Variants in RBFOX1 observed in about 807,000 individuals in gnomAD.
The protein encoded by RBFOX1 is RNA binding fox-1 homolog 1.
RBFOX1 carries 8 observed loss-of-function variants against 57.7 expected under a neutral mutation model. The ratio of observed to expected loss-of-function variants is 0.14; its 90% CI spans 0.08 to 0.25. The LOEUF is 0.25. RBFOX1 is among the 10% of genes least tolerant of loss of function. The probability of loss-of-function intolerance (pLI) is 1.00; values close to 1 mark genes in which losing one functional copy is unlikely to be tolerated. For synonymous variants in RBFOX1, 326 were observed against 222.4 expected, an observed-to-expected ratio of 1.47 and a Z score of -4.15; for missense variants, 611 against 548.5, an observed-to-expected ratio of 1.11 and a Z score of -1.14.
At chr16:5,530,179 A>G (rs1255409521) in intron 2 of RBFOX1, among the ~76,000 whole-genome samples, 1 of 152,188 alleles carries the variant, frequency 6.6e-6, no homozygotes, top group East Asian at 1.9e-4. Context: ...CTTGAGCATA[A>G]TTGAAAGAAC....
At chr16:7,016,490 T>C (rs1168291093) in intron 3 of RBFOX1, among the ~76,000 whole-genome samples, 1 of 152,166 alleles carries the variant, frequency 6.6e-6, no homozygotes, top group African/African-American at 2.4e-5. Flanking sequence ...TGAACTGCCG[T>C]GATAACAGAC....
At chr16:5,361,389 C>G (rs186978104) in intron 1 of RBFOX1, among the ~76,000 whole-genome samples, 1 of 152,070 alleles carries the variant, frequency 6.6e-6, no homozygotes, top group Non-Finnish European at 1.5e-5. Context: ...AAAACAGCAC[C>G]GGAGATATCA....
chr16:7,555,623 T>A (rs749834564), intron 5 of RBFOX1, among the ~76,000 whole-genome samples: 6 of 152,120 alleles, frequency 3.9e-5, no homozygotes, highest in Non-Finnish European at 8.8e-5. Context: ...TCTGACGTCA[T>A]CTCCTTTTCT....
chr16:5,767,107 C>G (rs2053808357), intron 3 of RBFOX1, among the ~76,000 whole-genome samples: 1 of 152,192 alleles, frequency 6.6e-6, no homozygotes, highest in African/African-American at 2.4e-5. Flanking sequence ...TTTGCACACC[C>G]AAAGTGTTCC....
At chr16:5,736,138 C>A (rs930514502) in intron 3 of RBFOX1, among the ~76,000 whole-genome samples, 1 of 152,056 alleles carries the variant, frequency 6.6e-6, no homozygotes, top group African/African-American at 2.4e-5. Context: ...GGTTTTGTTA[C>A]ACGTGGACCC....
chr16:6,719,300 A>C (rs1039733665), intron 3 of RBFOX1, among the ~76,000 whole-genome samples: 4 of 152,222 alleles, frequency 2.6e-5, no homozygotes, highest in African/African-American at 7.2e-5. Flanking sequence ...AAAGAGGAAA[A>C]AATAGCCCAC....
intron 1 of RBFOX1, among the ~76,000 whole-genome samples, chr16:5,331,026 G>A (rs988765957): frequency 6.6e-6 from 1 of 152,076 alleles, no homozygotes; most frequent in Non-Finnish European, 1.5e-5. Flanking sequence ...TATATGAAAG[G>A]CCTACTTGGT....
intron 1 of RBFOX1, among the ~76,000 whole-genome samples, chr16:5,396,154 A>T (rs143480555): frequency 6.6e-6 from 1 of 152,212 alleles, no homozygotes; most frequent in African/African-American, 2.4e-5. Context: ...AACTAACTCA[A>T]TGGGCATATT....
At chr16:6,516,015 A>AT (rs936780116) in intron 2 of RBFOX1, among the ~76,000 whole-genome samples, 1 of 151,750 alleles carries the variant, frequency 6.6e-6, no homozygotes, top group Non-Finnish European at 1.5e-5. Flanking sequence ...ATTTTATTTT[A>AT]TTTTTTGAGA....
intron 3 of RBFOX1, among the ~76,000 whole-genome samples, chr16:6,825,285 C>T (rs1381827444): frequency 1.3e-5 from 2 of 150,998 alleles, no homozygotes; most frequent in African/African-American, 2.4e-5. Flanking sequence ...ACTCTAGATG[C>T]CAAAAATGTC....
intron 3 of RBFOX1, among the ~76,000 whole-genome samples, chr16:6,684,372 C>T (rs774290248): frequency 7.9e-5 from 12 of 152,168 alleles, no homozygotes; most frequent in Non-Finnish European, 1.2e-4. Flanking sequence ...TTTTCCTGAG[C>T]AGCCATTGAG....
intron 3 of RBFOX1, among the ~76,000 whole-genome samples, chr16:6,665,571 G>A (rs2154103309): frequency 6.6e-6 from 1 of 151,308 alleles, no homozygotes; most frequent in African/African-American, 2.4e-5. Flanking sequence ...ATTGCAGTGA[G>A]CTGAGATTGT....
intron 2 of RBFOX1, among the ~76,000 whole-genome samples, chr16:6,532,611 C>G (rs1398774560): frequency 6.6e-6 from 1 of 152,164 alleles, no homozygotes; most frequent in Non-Finnish European, 1.5e-5. Context: ...GTCCAGTTTG[C>G]TCTACTTCCT....
At chr16:6,294,885 GGA>G (rs35430293) in intron 1 of RBFOX1, among the ~76,000 whole-genome samples, 1,909 of 152,222 alleles carry the variant, frequency 0.013, 42 homozygotes, top group African/African-American at 0.044. Context: ...TATCATTTAA[GGA>G]GACCAGCTGA....
chr16:7,283,697 G>C (rs2095593655), intron 4 of RBFOX1, among the ~76,000 whole-genome samples: 1 of 151,986 alleles, frequency 6.6e-6, no homozygotes, highest in African/African-American at 2.4e-5. Context: ...TTGCTTCTTA[G>C]GGTCACCCAG....
Position 6,410,168 on chromosome 16 carries a change from CTGTGTGTGTGTG to C in RBFOX1, c.-64+93136_-64+93147del, listed in dbSNP as rs3066618. 1.6e-3 allele frequency among the ~76,000 whole-genome samples: 228 copies of C among 146,810 alleles called. 3 individuals are homozygous for C. The highest frequency in any genetic ancestry group is 6.4e-3 in the South Asian group (29 of 4,520). ...GTTTAGAGTTTTAAGCATCATAAGG[CTGTGTGTGTGTG>C]TGTGTGTGTGTGTGTGTGTGTGTGC... On this transcript the variant is annotated intron_variant, in intron 2 of 15. Transcript: ENST00000550418.
At chr16:6,586,858 C>T (rs917709384) in intron 2 of RBFOX1, among the ~76,000 whole-genome samples, 1 of 152,192 alleles carries the variant, frequency 6.6e-6, no homozygotes, top group South Asian at 2.1e-4. Context: ...AAGGTTTCTT[C>T]AATGAGTCTT....
chr16:6,056,385 C>G (rs1452209729), intron 1 of RBFOX1, among the ~76,000 whole-genome samples: 1 of 152,196 alleles, frequency 6.6e-6, no homozygotes, highest in Non-Finnish European at 1.5e-5. Context: ...GTTTTCCTTT[C>G]TCTTTTCCTC....
At chr16:7,265,964 GT>G (rs1204871254) in intron 4 of RBFOX1, among the ~76,000 whole-genome samples, 1,017 of 70,240 alleles carry the variant, frequency 0.014, 46 homozygotes, top group African/African-American at 0.058. Context: ...GTGGGTTTTT[GT>G]TTTTTTTTTT....
Sources: gnomAD v4.1 joint callset for allele counts (sites outside exome capture counted in the v4.1 genomes callset) on GRCh38, gnomAD v4.1.1 for gene constraint, MANE v1.5 for transcripts, NCBI Gene and HGNC (gene_info 2026-07-23, HGNC 2026-07-21) for gene names.